The following SMYD3 variants were observed in gnomAD, a reference collection of about 807,000 sequenced individuals.
SMYD3 encodes histone-lysine N-methyltransferase SMYD3.
SMYD3 carries 36 observed loss-of-function variants against 57.7 expected under a neutral mutation model. That is an observed-to-expected ratio of 0.62 (90% CI 0.48 to 0.82). SMYD3 has a LOEUF of 0.82. Ranked by LOEUF, SMYD3 falls within the 40% of genes least tolerant of loss-of-function variation. SMYD3 has a pLI of 0.00. For missense variants in SMYD3, 515 were observed against 538.8 expected (o/e 0.96, Z 0.44); for synonymous variants, 211 against 195.0 (o/e 1.08, Z -0.68).
intron 5 of SMYD3, among the ~76,000 whole-genome samples, chr1:246,256,299 C>T (rs2063892845): frequency 6.8e-6 from 1 of 146,422 alleles, no homozygotes; most frequent in Non-Finnish European, 1.5e-5. Flanking sequence ...GATCTGCCTT[C>T]CCCAGCCCAC....
chr1:246,386,786 C>T (rs2066489782), intron 1 of SMYD3, among the ~76,000 whole-genome samples: 1 of 151,894 alleles, frequency 6.6e-6, no homozygotes, highest in Non-Finnish European at 1.5e-5. Context: ...AGAAATTGAC[C>T]ACTTATTACA....
intron 8 of SMYD3, among the ~76,000 whole-genome samples, chr1:245,873,799 G>A (rs2052347710): frequency 6.6e-6 from 1 of 152,224 alleles, no homozygotes; most frequent in South Asian, 2.1e-4. Context: ...GTTCTGTGCT[G>A]TTGGCATGTA....
intron 5 of SMYD3, among the ~76,000 whole-genome samples, chr1:246,242,255 G>C (rs2063625649): frequency 6.6e-6 from 1 of 152,154 alleles, no homozygotes; most frequent in Non-Finnish European, 1.5e-5. Flanking sequence ...TCTACACACT[G>C]CTTTAAATGT....
intron 10 of SMYD3, among the ~76,000 whole-genome samples, chr1:245,785,093 T>G (rs1383723385): frequency 2.0e-5 from 3 of 151,176 alleles, no homozygotes; most frequent in Non-Finnish European, 4.4e-5. Context: ...GGTGGATCAC[T>G]TGAGGCTCAA....
At chr1:245,793,118 G>A (rs1437583092) in intron 10 of SMYD3, among the ~76,000 whole-genome samples, 15 of 147,048 alleles carry the variant, frequency 1.0e-4, no homozygotes, top group Middle Eastern at 3.5e-3. Flanking sequence ...GACCATCCTG[G>A]CTAACACGGT....
intron 5 of SMYD3, among the ~76,000 whole-genome samples, chr1:246,018,345 C>T (rs1054896804): frequency 3.4e-4 from 51 of 152,196 alleles, no homozygotes; most frequent in African/African-American, 1.1e-3. Context: ...AATGCTCTCA[C>T]TCCCCTGAGT....
In SMYD3 at chr1:245,858,579, G is replaced by C; in HGVS notation, c.993C>G (p.Leu331=). 6.2e-7 allele frequency: 1 copy of C among 1,614,086 alleles called. No homozygotes were observed. The highest frequency in any genetic ancestry group is 1.1e-5 in the South Asian group (1 of 91,078). The change falls in exon 10 of 12, where the codon CTC becomes CTG. Residue 331 remains leucine (L), a synonymous_variant. Coordinates refer to ENST00000490107, the MANE Select transcript of SMYD3 (RefSeq NM_001167740.2). The part of the protein sequence containing the change: ...PDINIYQLKV[L]DCAMDACINL... The stretch of plus-strand genomic sequence containing the variant: ...TGATGCAGGCATCCATGGCGCAGTC[G>C]AGCACCTTCAGCTGGTAGATGTTGA...
At position 245,802,739 on chromosome 1, in the gene SMYD3, G is replaced by A. The variant is rs926276912; in HGVS notation, c.1077-38590C>T. On this transcript the variant is annotated intron_variant, in intron 10 of 11. Coordinates refer to ENST00000490107, the MANE Select transcript of SMYD3 (RefSeq NM_001167740.2). The stretch of plus-strand genomic sequence containing the variant: ...TTTAAAACAACAAAAGTCAAGCTAT[G>A]AAGAGAGTGAGGAATGAATCTGCCA... Among the ~76,000 whole-genome samples, 7 of 152,338 alleles carry A rather than the reference G, an allele frequency of 4.6e-5. No homozygotes were observed. The East Asian group carries it at 1.2e-3, about 25-fold the overall frequency.
chr1:246,106,038 T>C (rs1204176075), intron 5 of SMYD3, among the ~76,000 whole-genome samples: 1 of 152,216 alleles, frequency 6.6e-6, no homozygotes, highest in African/African-American at 2.4e-5. Context: ...TTCAGTTGAC[T>C]TAGCTGCCCA....
chr1:246,377,462 C>T (rs1005274673), intron 1 of SMYD3, among the ~76,000 whole-genome samples: 4 of 151,580 alleles, frequency 2.6e-5, no homozygotes, highest in African/African-American at 7.3e-5. Flanking sequence ...CTCCGCCTCC[C>T]GGGTTCAAGC....
intron 1 of SMYD3, among the ~76,000 whole-genome samples, chr1:246,403,329 T>C (rs530460742): frequency 9.7e-5 from 14 of 145,040 alleles, no homozygotes; most frequent in African/African-American, 3.5e-4. Flanking sequence ...CCCTGTGTCT[T>C]AAAAAAAAAA....
At chr1:246,321,716 C>G (rs900939863) in intron 5 of SMYD3, 10 of 151,938 alleles carry the variant, frequency 6.6e-5, no homozygotes, top group African/African-American at 2.2e-4. Flanking sequence ...TGTTTCGGAC[C>G]CAATCAGTAC....
chr1:246,487,552 A>G (rs2068207592), intron 1 of SMYD3, among the ~76,000 whole-genome samples: 1 of 152,208 alleles, frequency 6.6e-6, no homozygotes. Context: ...CTAAACAACC[A>G]GGAGACAATC....
At chr1:246,495,451 A>C (rs2068345475) in intron 1 of SMYD3, among the ~76,000 whole-genome samples, 1 of 151,882 alleles carries the variant, frequency 6.6e-6, no homozygotes, top group Admixed American at 6.6e-5. Flanking sequence ...CATTTCTTAA[A>C]TCTCCCCGAG....
At chr1:246,410,154 C>A (rs1269127257) in intron 1 of SMYD3, among the ~76,000 whole-genome samples, 1 of 152,098 alleles carries the variant, frequency 6.6e-6, no homozygotes, top group Non-Finnish European at 1.5e-5. Flanking sequence ...TAATTGAATG[C>A]CCTTTATTCC....
At chr1:246,197,784 G>A (rs2148349914) in intron 5 of SMYD3, among the ~76,000 whole-genome samples, 1 of 152,238 alleles carries the variant, frequency 6.6e-6, no homozygotes, top group Non-Finnish European at 1.5e-5. Context: ...AATATAAGGT[G>A]TCAATAGGGA....
chr1:246,051,386 G>A (rs2060064694), intron 5 of SMYD3, among the ~76,000 whole-genome samples: 1 of 152,048 alleles, frequency 6.6e-6, no homozygotes, highest in Non-Finnish European at 1.5e-5. Context: ...TTCTGAAAGT[G>A]CTGGGATTAT....
chr1:246,289,851 T>C (rs900413700), intron 5 of SMYD3, among the ~76,000 whole-genome samples: 2 of 152,150 alleles, frequency 1.3e-5, no homozygotes, highest in African/African-American at 4.8e-5. Flanking sequence ...GTAGGGACTA[T>C]TCCCATATAT....
At chr1:245,758,787 C>T (rs2791373) in intron 11 of SMYD3, among the ~76,000 whole-genome samples, 42,166 of 152,090 alleles carry the variant, frequency 0.28, 6,222 homozygotes, top group East Asian at 0.46. Flanking sequence ...ACTATTCTAA[C>T]ATCTCTGTTA....
Sources: gnomAD v4.1 joint callset for allele counts (sites outside exome capture counted in the v4.1 genomes callset) on GRCh38, gnomAD v4.1.1 for gene constraint, MANE v1.5 for transcripts, NCBI Gene and HGNC (gene_info 2026-07-23, HGNC 2026-07-21) for gene names.